SELENOF: variants seen among roughly 807,000 people sequenced by gnomAD.
SELENOF encodes selenoprotein F, also known as 15 kDa selenoprotein.
In SELENOF, 16 loss-of-function variants were observed where a neutral mutation model predicts 20.5. The observed-to-expected ratio is 0.78, with a 90% CI of 0.53 to 1.19. The LOEUF is 1.19. Among genes scored for constraint, SELENOF ranks in the 50% most tolerant of loss-of-function variants. The pLI, the probability that SELENOF is intolerant of heterozygous loss-of-function variation, is 0.00. For synonymous variants in SELENOF, 78 were observed against 74.5 expected, an observed-to-expected ratio of 1.05 and a Z score of -0.24; for missense variants, 215 against 194.2, an observed-to-expected ratio of 1.11 and a Z score of -0.64.
At chr1:86,885,034 GT>G (rs1476002981) in intron 2 of SELENOF, among the ~76,000 whole-genome samples, 1 of 152,132 alleles carries the variant, frequency 6.6e-6, no homozygotes. Context: ...TGCCTTAGTT[GT>G]AACAGGATTT....
intron 3 of SELENOF, among the ~76,000 whole-genome samples, chr1:86,878,652 A>T (rs1658985579): frequency 6.6e-6 from 1 of 152,348 alleles, no homozygotes; most frequent in Non-Finnish European, 1.5e-5. Flanking sequence ...ACTGCACTCC[A>T]GTGTGGGCGA....
chr1:86,865,368 T>C (rs1658565819), intron 4 of SELENOF, among the ~76,000 whole-genome samples: 1 of 151,982 alleles, frequency 6.6e-6, no homozygotes, highest in Non-Finnish European at 1.5e-5. Flanking sequence ...GGAGAAAATA[T>C]TTGCAAATCA....
intron 4 of SELENOF, among the ~76,000 whole-genome samples, chr1:86,865,761 C>T (rs1312138142): frequency 1.3e-5 from 2 of 152,120 alleles, no homozygotes; most frequent in East Asian, 1.9e-4. Flanking sequence ...CCAGCAATTC[C>T]ACTTCTTGGA....
In SELENOF at chr1:86,903,404, C is replaced by G; in HGVS notation, c.129G>C (p.Glu43Asp). The G allele has an allele frequency of 1.2e-6, 2 of 1,611,440 alleles. No individual in the cohort carries two copies. Among genetic ancestry groups the G allele is most frequent in the Non-Finnish European group, 1.7e-6 (2 of 1,178,714 alleles). ...AAAGCAAGTTGCTAGAAAAGCCTAA[C>G]TCTCTGCATGCCTCCGATGAAAACT... The part of the protein sequence containing the change: ...GAEFSSEACR[E>D]LGFSSNLLCS... Residue 43 changes from glutamate (E) to aspartate (D), a missense_variant, in exon 2 of 5, where the codon GAG (glutamate) becomes GAC (aspartate). Physicochemically the swap from Glu to Asp is conservative, Grantham distance 45 (BLOSUM62 2). Transcript: ENST00000331835.
At chr1:86,897,151 C>A (rs1453783542) in intron 2 of SELENOF, among the ~76,000 whole-genome samples, 1 of 151,910 alleles carries the variant, frequency 6.6e-6, no homozygotes, top group Non-Finnish European at 1.5e-5. Flanking sequence ...ACTAAAAATA[C>A]AAAAAATTAG....
chr1:86,914,263 G>A, upstream of SELENOF: 1 of 680,458 alleles, frequency 1.5e-6, no homozygotes, highest in Non-Finnish European at 2.6e-6. Context: ...AAGCTTAAAA[G>A]TCATCAAATA....
chr1:86,876,587 T>C (rs1028756294), intron 3 of SELENOF, among the ~76,000 whole-genome samples: 3 of 152,144 alleles, frequency 2.0e-5, no homozygotes, highest in South Asian at 4.1e-4. Context: ...ATATAAGAAA[T>C]ACAATTTCTA....
chr1:86,894,188 T>TTA (rs1553127567), intron 2 of SELENOF, among the ~76,000 whole-genome samples: 1 of 151,142 alleles, frequency 6.6e-6, no homozygotes, highest in African/African-American at 2.4e-5. Context: ...TTTTTTTTTT[T>TTA]AAGTATTACT....
chr1:86,898,797 T>C (rs1402876322), intron 2 of SELENOF, among the ~76,000 whole-genome samples: 1 of 152,020 alleles, frequency 6.6e-6, no homozygotes, highest in Non-Finnish European at 1.5e-5. Context: ...TTTTCATTTT[T>C]ATTTTTATTG....
chr1:86,870,727 T>C (rs34433530), intron 3 of SELENOF, among the ~76,000 whole-genome samples: 244 of 152,288 alleles, frequency 1.6e-3, no homozygotes, highest in Middle Eastern at 0.01. Context: ...CACGCCATTC[T>C]CCTGCCTCAG....
At chr1:86,875,910 T>C (rs1000098268) in intron 3 of SELENOF, among the ~76,000 whole-genome samples, 3 of 151,982 alleles carry the variant, frequency 2.0e-5, no homozygotes, top group African/African-American at 4.8e-5. Flanking sequence ...GCTCAGAGAG[T>C]TGCACATAGT....
chr1:86,878,575 AG>A lies in SELENOF; in HGVS notation c.316+2086del, dbSNP rs536872552. On this transcript the variant is annotated intron_variant, in intron 3 of 4. Transcript: ENST00000331835. ...CGTGCGCCTGTAGTCCCAGCTACTC[AG>A]GAGACTGAGGCAGGAGAATCACTTG... 2.7e-3 allele frequency among the ~76,000 whole-genome samples: 407 copies of A among 152,286 alleles called. 2 individuals carry two copies. Among genetic ancestry groups the A allele is most frequent in the Non-Finnish European group, 4.3e-3 (290 of 68,004 alleles).
chr1:86,913,682 C>A (rs753763606), intron 1 of SELENOF: 3 of 244,862 alleles, frequency 1.2e-5, no homozygotes, highest in Non-Finnish European at 2.5e-5. Flanking sequence ...CGTCATGAGT[C>A]TCTTGCATTT....
At chr1:86,887,139 G>A in intron 2 of SELENOF, 11 of 1,522,856 alleles carry the variant, frequency 7.2e-6, no homozygotes, top group Non-Finnish European at 9.7e-6. Flanking sequence ...TCTGATTAAT[G>A]ACACTTTCAT....
At chr1:86,902,760 C>A (rs1557470512) in intron 2 of SELENOF, among the ~76,000 whole-genome samples, 1 of 152,278 alleles carries the variant, frequency 6.6e-6, no homozygotes, top group East Asian at 1.9e-4. Flanking sequence ...GACTGAACTA[C>A]CTATCCTTGG....
chr1:86,871,378 T>C lies in SELENOF; in HGVS notation c.317-3276A>G, dbSNP rs114431784. Among the ~76,000 whole-genome samples, 609 of 152,298 alleles carry C rather than the reference T, an allele frequency of 4.0e-3. 5 individuals are homozygous for C. Among genetic ancestry groups the C allele is most frequent in the African/African-American group, 0.014 (592 of 41,560 alleles). On this transcript the variant is annotated intron_variant, in intron 3 of 4. Coordinates refer to ENST00000331835, the MANE Select transcript of SELENOF (RefSeq NM_004261.5). Reference sequence around the variant, plus strand: ...CAAGAAACAAAATAAGAACTGAGAATTTATGTTCACTTGAACATAAAACAG... The same window carrying C: ...CAAGAAACAAAATAAGAACTGAGAACTTATGTTCACTTGAACATAAAACAG...
intron 3 of SELENOF, among the ~76,000 whole-genome samples, chr1:86,877,488 T>C (rs969648037): frequency 1.1e-4 from 17 of 152,226 alleles, no homozygotes; most frequent in African/African-American, 3.9e-4. Context: ...CTTGCATACA[T>C]AGAATGACAT....
chr1:86,868,790 C>T (rs150754822), intron 3 of SELENOF, among the ~76,000 whole-genome samples: 1 of 151,442 alleles, frequency 6.6e-6, no homozygotes, highest in African/African-American at 2.4e-5. Flanking sequence ...TAAGCATGAC[C>T]CAAAAGGAAA....
chr1:86,886,425 TTACAG>T (rs1376063770), intron 2 of SELENOF, among the ~76,000 whole-genome samples: 1 of 147,478 alleles, frequency 6.8e-6, no homozygotes, highest in Non-Finnish European at 1.5e-5. Flanking sequence ...AAGACAAATG[TTACAG>T]TACTTTTTTT....
Sources: allele counts gnomAD v4.1 joint callset (sites outside exome capture counted in the v4.1 genomes callset), GRCh38; gene constraint gnomAD v4.1.1; transcripts MANE v1.5; gene names NCBI Gene and HGNC (gene_info 2026-07-23, HGNC 2026-07-21).